ATXN1: variants seen among roughly 807,000 people sequenced by gnomAD.
ATXN1 encodes the protein ataxin-1.
ATXN1 carries 8 observed loss-of-function variants against 56.4 expected under a neutral mutation model. The ratio of observed to expected loss-of-function variants is 0.14; its 90% CI spans 0.08 to 0.26. The LOEUF (loss-of-function observed/expected upper bound fraction) is 0.26. Among genes scored for constraint, ATXN1 ranks in the 10% least tolerant of loss-of-function variants. The pLI is 1.00. For synonymous variants in ATXN1, 514 were observed against 494.6 expected (o/e 1.04, Z -0.52); for missense variants, 987 against 1,106.5 (o/e 0.89, Z 1.53).
intron 6 of ATXN1, among the ~76,000 whole-genome samples, chr6:16,369,421 T>C (rs1331890611): frequency 6.6e-6 from 1 of 152,190 alleles, no homozygotes; most frequent in East Asian, 1.9e-4. Flanking sequence ...CTCACGGTTA[T>C]GGCCCAAAAA....
At chr6:16,710,640 T>G (rs1759503521) in intron 2 of ATXN1, among the ~76,000 whole-genome samples, 1 of 152,194 alleles carries the variant, frequency 6.6e-6, no homozygotes, top group African/African-American at 2.4e-5. Flanking sequence ...CAGGCCGGAG[T>G]GCAGTGGCAT....
chr6:16,326,816 T>A lies in ATXN1; in HGVS notation c.1495A>T (p.Met499Leu). The A allele has an allele frequency of 1.9e-6, 3 of 1,608,224 alleles. No individual in the cohort carries two copies. Among genetic ancestry groups the A allele is most frequent in the Non-Finnish European group, 2.6e-6 (3 of 1,175,828 alleles). The part of the protein sequence containing the change: ...PLLIPVGSTD[M>L]EASGAAPAIV... ...GCCGGGGCTGCCCCCGACGCTTCCA[T>A]GTCAGTGCTGCCGACCGGGATGAGC... The change falls in exon 7 of 8, where the codon ATG becomes TTG. Residue 499 changes from methionine to leucine, a missense_variant. Met to Leu is a conservative substitution (Grantham distance 15). Transcript: ENST00000436367. This position sits in a 1 kb window ranked among gnomAD's most constrained non-coding sequence, Gnocchi z 6.6.
intron 6 of ATXN1, among the ~76,000 whole-genome samples, chr6:16,423,456 G>A (rs1399339256): frequency 1.3e-5 from 2 of 152,072 alleles, no homozygotes; most frequent in Non-Finnish European, 2.9e-5. Context: ...AGATACCATG[G>A]GCTCGAAGAC....
intron 4 of ATXN1, among the ~76,000 whole-genome samples, chr6:16,582,911 G>A (rs966610681): frequency 2.0e-5 from 3 of 152,086 alleles, no homozygotes; most frequent in African/African-American, 7.2e-5. Context: ...TCCCACTACC[G>A]TTACTTGAGG....
chr6:16,377,382 G>C (rs2282843), intron 6 of ATXN1, among the ~76,000 whole-genome samples: 28,951 of 152,110 alleles, frequency 0.19, 3,049 homozygotes, highest in East Asian at 0.48. Flanking sequence ...GAACAAGTCA[G>C]CTGATATGAG....
At chr6:16,756,092 T>C (rs1340767814) in intron 1 of ATXN1, among the ~76,000 whole-genome samples, 1 of 152,086 alleles carries the variant, frequency 6.6e-6, no homozygotes, top group Admixed American at 6.5e-5. Flanking sequence ...GTTCAAATTA[T>C]GAGCGTTATA....
rs370698828 is a variant in ATXN1 at position 16,526,064 on chromosome 6, T to TATATATACAC, written c.-360-3377_-360-3376insGTGTATATAT. On this transcript the variant is annotated intron_variant, in intron 4 of 7. Transcript: ENST00000436367. Reference sequence around the variant, plus strand: ...ATCTATATATATATATATATATATATACATACATACAATCTATTTATAATG... The same window carrying TATATATACAC: ...ATCTATATATATATATATATATATATATATATACACACATACATACAATCTATTTATAATG... Among the ~76,000 whole-genome samples the TATATATACAC allele has an allele frequency of 2.9e-3, 384 of 133,290 alleles. 2 individuals are homozygous for TATATATACAC. Among genetic ancestry groups the TATATATACAC allele is most frequent in the Middle Eastern group, 0.019 (5 of 260 alleles). The allele number at this position is 133,290 out of a possible 152,430, so 87.4% of individuals were successfully genotyped here. A position where few individuals can be genotyped will look rare whatever the true frequency, so the allele number is the denominator to read the frequency against.
chr6:16,711,472 G>C (rs1428195707), intron 2 of ATXN1, among the ~76,000 whole-genome samples: 1 of 151,544 alleles, frequency 6.6e-6, no homozygotes, highest in Non-Finnish European at 1.5e-5. Context: ...GCCAAACACT[G>C]AGAAAAAATT....
At chr6:16,466,134 G>A (rs1404828733) in intron 6 of ATXN1, among the ~76,000 whole-genome samples, 7 of 151,986 alleles carry the variant, frequency 4.6e-5, no homozygotes, top group Non-Finnish European at 7.4e-5. Context: ...GGCTAACACA[G>A]TGAAACCCCA....
chr6:16,456,429 G>A (rs903412636), intron 6 of ATXN1, among the ~76,000 whole-genome samples: 4 of 152,212 alleles, frequency 2.6e-5, no homozygotes, highest in Non-Finnish European at 4.4e-5. Context: ...CTCTGGGAAA[G>A]GGCTCACTAA....
At chr6:16,361,041 C>T (rs1373736143) in intron 6 of ATXN1, among the ~76,000 whole-genome samples, 1 of 152,136 alleles carries the variant, frequency 6.6e-6, no homozygotes, top group Non-Finnish European at 1.5e-5. Context: ...TGCACATTTA[C>T]GACATACATT....
chr6:16,366,945 T>C (rs1761933694), intron 6 of ATXN1, among the ~76,000 whole-genome samples: 1 of 152,128 alleles, frequency 6.6e-6, no homozygotes, highest in Non-Finnish European at 1.5e-5. Flanking sequence ...AAATGTGCAA[T>C]TTCCTTTTAT....
intron 4 of ATXN1, among the ~76,000 whole-genome samples, chr6:16,537,637 T>C (rs1044615447): frequency 1.3e-4 from 19 of 147,924 alleles, no homozygotes; most frequent in Non-Finnish European, 2.7e-4. Flanking sequence ...ACCCAGGAGG[T>C]AGAGGTTGCA....
chr6:16,486,224 GA>G (rs766448649), intron 5 of ATXN1, 115 bp from the exon 6 acceptor site: 2 of 152,160 alleles, frequency 1.3e-5, no homozygotes, highest in Non-Finnish European at 1.5e-5. Context: ...GTTCACCAAA[GA>G]CCATTTTCTT....
chr6:16,591,676 T>C (rs1268440379), intron 3 of ATXN1, among the ~76,000 whole-genome samples: 1 of 152,168 alleles, frequency 6.6e-6, no homozygotes, highest in Non-Finnish European at 1.5e-5. Context: ...TTCTAGACTA[T>C]GAGCTCCTTA....
chr6:16,705,450 T>C (rs978431844), intron 2 of ATXN1, among the ~76,000 whole-genome samples: 2 of 152,156 alleles, frequency 1.3e-5, no homozygotes, highest in South Asian at 4.1e-4. Flanking sequence ...TTTATACAAG[T>C]GCAGGCTGGG....
chr6:16,703,263 T>C (rs1409258248), intron 2 of ATXN1, among the ~76,000 whole-genome samples: 1 of 151,838 alleles, frequency 6.6e-6, no homozygotes, highest in East Asian at 1.9e-4. Flanking sequence ...TTCTCACTCA[T>C]AGGTGGGAAT....
At chr6:16,749,211 T>C (rs898621732) in intron 2 of ATXN1, among the ~76,000 whole-genome samples, 1 of 152,182 alleles carries the variant, frequency 6.6e-6, no homozygotes, top group African/African-American at 2.4e-5. Flanking sequence ...GTACAGTAAA[T>C]GAATTGCCAC....
intron 7 of ATXN1, among the ~76,000 whole-genome samples, chr6:16,319,555 T>C (rs961812367): frequency 2.0e-5 from 3 of 152,194 alleles, no homozygotes; most frequent in African/African-American, 7.2e-5. Context: ...AAAAACAGCA[T>C]GTACAACACA....
Sources: allele counts gnomAD v4.1 joint callset (sites outside exome capture counted in the v4.1 genomes callset), GRCh38; gene constraint gnomAD v4.1.1; non-coding constraint Gnocchi (gnomAD v3.1); transcripts MANE v1.5; gene names NCBI Gene and HGNC (gene_info 2026-07-23, HGNC 2026-07-21).